The following KCNT2 variants were observed in gnomAD, a reference collection of about 807,000 sequenced individuals.
The protein encoded by KCNT2 is potassium channel subfamily T member 2.
KCNT2 carries 67 observed loss-of-function variants against 153.8 expected under a neutral mutation model. The ratio of observed to expected loss-of-function variants is 0.44; its 90% CI spans 0.36 to 0.53. KCNT2 has a LOEUF of 0.53. Among genes scored for constraint, KCNT2 ranks in the 20% least tolerant of loss-of-function variants. KCNT2 has a pLI of 0.00. For synonymous variants in KCNT2, 500 were observed against 458.8 expected (o/e 1.09, Z -1.15); for missense variants, 975 against 1,354.8 (o/e 0.72, Z 4.40).
intron 1 of KCNT2, among the ~76,000 whole-genome samples, chr1:196,593,309 T>TACACACACACAC (rs1422252947): frequency 1.2e-4 from 15 of 126,720 alleles, no homozygotes; most frequent in African/African-American, 5.3e-4. Flanking sequence ...TATATATATA[T>TACACACACACAC]ATACACACAC....
At chr1:196,514,610 T>C (rs1681900851) in intron 1 of KCNT2, among the ~76,000 whole-genome samples, 1 of 152,356 alleles carries the variant, frequency 6.6e-6, no homozygotes, top group African/African-American at 2.4e-5. Context: ...AATAAATATG[T>C]GTTGTATTTA....
At chr1:196,255,174 T>G (rs1335046707) in intron 26 of KCNT2, among the ~76,000 whole-genome samples, 2 of 151,658 alleles carry the variant, frequency 1.3e-5, no homozygotes, top group South Asian at 4.1e-4. Flanking sequence ...TGTTAGTTAT[T>G]AACAGAAAAA....
intron 1 of KCNT2, among the ~76,000 whole-genome samples, chr1:196,602,400 G>T (rs2149033372): frequency 6.6e-6 from 1 of 152,294 alleles, no homozygotes; most frequent in South Asian, 2.1e-4. Context: ...AGGATCAATT[G>T]CTGTGATCTC....
intron 12 of KCNT2, among the ~76,000 whole-genome samples, chr1:196,408,071 G>A (rs749223853): frequency 6.6e-6 from 1 of 151,330 alleles, no homozygotes; most frequent in Non-Finnish European, 1.5e-5. Context: ...ACTTGCCAAT[G>A]TTTCTCGAGG....
rs1241730126 is a variant in KCNT2, at chr1:196,596,054, GTGTATATATATATATATA to G, written c.95+12143_95+12160del. On this transcript the variant is annotated intron_variant, in intron 1 of 27. Transcript: ENST00000294725. ...TTATGGCTGAGTTGTATTCCATGAT[GTGTATATATATATATATA>G]TATATATATATATATATATATATAT... Among the ~76,000 whole-genome samples the G allele has an allele frequency of 3.2e-4, 45 of 138,556 alleles. 3 individuals are homozygous for G. The highest frequency in any genetic ancestry group is 1.1e-3 in the African/African-American group (34 of 30,424). 90.9% of individuals were successfully genotyped at this position (138,556 alleles called of 152,430 possible). A position where few individuals can be genotyped will look rare whatever the true frequency, so the allele number is the denominator to read the frequency against.
chr1:196,515,415 T>C (rs1431872194), intron 1 of KCNT2, among the ~76,000 whole-genome samples: 1 of 152,152 alleles, frequency 6.6e-6, no homozygotes, highest in African/African-American at 2.4e-5. Flanking sequence ...ACAACCTTAG[T>C]ACTTATGAAA....
intron 19 of KCNT2, among the ~76,000 whole-genome samples, chr1:196,324,723 GC>G (rs1663673455): frequency 6.6e-6 from 1 of 151,928 alleles, no homozygotes; most frequent in Non-Finnish European, 1.5e-5. Flanking sequence ...TCTGATAAAA[GC>G]CACATCTATA....
At chr1:196,356,329 T>C (rs917608182) in intron 14 of KCNT2, among the ~76,000 whole-genome samples, 12 of 151,722 alleles carry the variant, frequency 7.9e-5, no homozygotes, top group Non-Finnish European at 1.6e-4. Flanking sequence ...ATCAGACTAT[T>C]GGTCTGATTT....
chr1:196,432,076 T>G (rs1056833656), intron 8 of KCNT2, among the ~76,000 whole-genome samples: 1 of 151,996 alleles, frequency 6.6e-6, no homozygotes, highest in Non-Finnish European at 1.5e-5. Flanking sequence ...CTTTCTTCAT[T>G]CTGGTGCAGT....
At chr1:196,298,172 G>A (rs1325667676) in intron 22 of KCNT2, among the ~76,000 whole-genome samples, 3 of 152,034 alleles carry the variant, frequency 2.0e-5, no homozygotes, top group African/African-American at 7.2e-5. Flanking sequence ...CATAAATTCT[G>A]TTGCATCAAG....
chr1:196,520,786 C>A (rs780125781), intron 1 of KCNT2, among the ~76,000 whole-genome samples: 27 of 152,156 alleles, frequency 1.8e-4, no homozygotes, highest in Non-Finnish European at 3.2e-4. Flanking sequence ...ACACCATATG[C>A]AAAAATCAAC....
chr1:196,325,743 A>T (rs917248858), intron 19 of KCNT2, among the ~76,000 whole-genome samples: 1 of 152,132 alleles, frequency 6.6e-6, no homozygotes, highest in Non-Finnish European at 1.5e-5. Context: ...AAAATTCTTC[A>T]AATGAAAATT....
chr1:196,302,069 A>C (rs1661234543), intron 22 of KCNT2, among the ~76,000 whole-genome samples: 1 of 152,196 alleles, frequency 6.6e-6, no homozygotes, highest in Admixed American at 6.5e-5. Flanking sequence ...GTATTTCTAA[A>C]GGTGAAGGTC....
intron 1 of KCNT2, among the ~76,000 whole-genome samples, chr1:196,537,485 C>T (rs1278819351): frequency 1.3e-5 from 2 of 152,166 alleles, no homozygotes; most frequent in Non-Finnish European, 2.9e-5. Context: ...TCTACCAGTG[C>T]CAGCACTCGT....
chr1:196,590,532 A>G lies in KCNT2; in HGVS notation c.95+17683T>C, dbSNP rs907962851. ...GCCTTGCTTTCCTGCTTCCTCCCAG[A>G]CCCTGGCACTAGCCTCATTCCTTTC... On this transcript the variant is annotated intron_variant, in intron 1 of 27. Transcript: ENST00000294725. Among the ~76,000 whole-genome samples, 3 of 152,184 alleles carry G rather than the reference A, an allele frequency of 2.0e-5. No homozygotes were observed. In the East Asian group the frequency reaches 5.8e-4, roughly 29 times the overall value.
chr1:196,341,545 T>C (rs2148159204), intron 15 of KCNT2, among the ~76,000 whole-genome samples: 1 of 152,088 alleles, frequency 6.6e-6, no homozygotes, highest in East Asian at 1.9e-4. Flanking sequence ...ATACAGATAA[T>C]ATGTTATTTT....
chr1:196,488,160 G>A (rs1056160367), intron 3 of KCNT2, among the ~76,000 whole-genome samples: 5 of 151,838 alleles, frequency 3.3e-5, no homozygotes, highest in African/African-American at 1.2e-4. Flanking sequence ...TTTGATTCCT[G>A]AAAGGGATTT....
chr1:196,252,076 G>A (rs1221836605), intron 26 of KCNT2, among the ~76,000 whole-genome samples: 1 of 151,596 alleles, frequency 6.6e-6, no homozygotes, highest in Non-Finnish European at 1.5e-5. Context: ...TTAGGGTTTA[G>A]ATGTTTCATT....
rs975920233 is a variant in KCNT2, at chr1:196,484,584, T to C, written c.276-2205A>G. Reference sequence around the variant, plus strand: ...GTTGCAATTGCTTTTGGCATTTTTGTCATGAAGTCTTTGCCCATGCCTATC... The same window carrying C: ...GTTGCAATTGCTTTTGGCATTTTTGCCATGAAGTCTTTGCCCATGCCTATC... On this transcript the variant is annotated intron_variant, in intron 3 of 27. Transcript: ENST00000294725. Among the ~76,000 whole-genome samples, 3 of 152,222 alleles carry C rather than the reference T, an allele frequency of 2.0e-5. No individual in the cohort carries two copies. In the South Asian group the frequency reaches 6.2e-4, roughly 32 times the overall value.
Sources: gnomAD v4.1 joint callset for allele counts (sites outside exome capture counted in the v4.1 genomes callset) on GRCh38, gnomAD v4.1.1 for gene constraint, MANE v1.5 for transcripts, NCBI Gene and HGNC (gene_info 2026-07-23, HGNC 2026-07-21) for gene names.